Variants in CA10 observed in about 807,000 individuals in gnomAD.
CA10 encodes the protein carbonic anhydrase-related protein 10.
Under a neutral mutation model 44.2 loss-of-function variants are expected in CA10, and 14 were observed. That is an observed-to-expected ratio of 0.32 (90% CI 0.21 to 0.50). The LOEUF (loss-of-function observed/expected upper bound fraction) is 0.50, where lower values mean the gene tolerates loss of function less well. CA10 is among the 20% of genes least tolerant of loss of function. CA10 has a pLI of 0.99. For synonymous variants in CA10, 159 were observed against 141.6 expected (o/e 1.12, Z -0.87); for missense variants, 350 against 409.7 (o/e 0.85, Z 1.26).
At chr17:51,711,456 G>T (rs1487309303) in intron 4 of CA10, among the ~76,000 whole-genome samples, 2 of 152,118 alleles carry the variant, frequency 1.3e-5, no homozygotes, top group Non-Finnish European at 2.9e-5. Flanking sequence ...TTAGGAGAAG[G>T]CCCAATCTGA....
chr17:51,968,661 G>T (rs1349381731), intron 2 of CA10, among the ~76,000 whole-genome samples: 2 of 151,898 alleles, frequency 1.3e-5, no homozygotes, highest in East Asian at 3.9e-4. Flanking sequence ...TCTGGTAGTG[G>T]TTATGTGACT....
At chr17:51,836,557 C>T (rs549226386) in intron 3 of CA10, among the ~76,000 whole-genome samples, 4 of 152,290 alleles carry the variant, frequency 2.6e-5, no homozygotes, top group East Asian at 3.9e-4. Flanking sequence ...TTCCCCCACT[C>T]GCCTGTGGGG....
chr17:52,040,145 CTTTT>C (rs200635464), intron 2 of CA10, among the ~76,000 whole-genome samples: 1 of 139,056 alleles, frequency 7.2e-6, no homozygotes, highest in Non-Finnish European at 1.5e-5. Context: ...TCTTTTTTTT[CTTTT>C]TTTTTTTTTT....
chr17:52,000,902 G>T (rs1598160287), intron 2 of CA10, among the ~76,000 whole-genome samples: 1 of 151,212 alleles, frequency 6.6e-6, no homozygotes, highest in Admixed American at 6.6e-5. Flanking sequence ...ATGATCAAGT[G>T]GCTGGGGGGT....
intron 1 of CA10, among the ~76,000 whole-genome samples, chr17:52,075,283 T>C (rs1234657755): frequency 6.6e-6 from 1 of 152,176 alleles, no homozygotes; most frequent in Non-Finnish European, 1.5e-5. Flanking sequence ...AGAAGTTGGA[T>C]GCTTAATTAA....
intron 2 of CA10, among the ~76,000 whole-genome samples, chr17:51,966,349 A>G: frequency 6.6e-6 from 1 of 151,966 alleles, no homozygotes; most frequent in Non-Finnish European, 1.5e-5. Context: ...ACAGAACCAG[A>G]AAAAACAATT....
chr17:51,899,968 T>C lies in CA10; in HGVS notation c.279+31022A>G, dbSNP rs115591584. Among the ~76,000 whole-genome samples the C allele has an allele frequency of 6.9e-3, 1,027 of 148,890 alleles. 16 individuals carry two copies. The highest frequency in any genetic ancestry group is 0.024 in the African/African-American group (953 of 39,184). ...TGGGTCTCTTGAAGATAGCATATAGTTGGGTTTTACTTCTTTATCCAACTT... is the reference window on the plus strand; with the variant it reads ...TGGGTCTCTTGAAGATAGCATATAGCTGGGTTTTACTTCTTTATCCAACTT... On this transcript the variant is annotated intron_variant, in intron 3 of 8. Transcript: ENST00000451037.
intron 1 of CA10, among the ~76,000 whole-genome samples, chr17:52,146,872 C>T (rs181703881): frequency 1.8e-4 from 27 of 152,172 alleles, no homozygotes; most frequent in African/African-American, 5.8e-4. Flanking sequence ...GGAGGTAGCA[C>T]AGCCCCCATC....
chr17:51,991,415 T>C (rs1468674402), intron 2 of CA10, among the ~76,000 whole-genome samples: 1 of 152,192 alleles, frequency 6.6e-6, no homozygotes, highest in Non-Finnish European at 1.5e-5. Context: ...TGTATTTACT[T>C]ACAACTACAT....
At chr17:51,631,694 T>A in intron 8 of CA10, 88 bp from the exon 9 acceptor site, 1 of 1,138,948 alleles carries the variant, frequency 8.8e-7, no homozygotes, top group East Asian at 2.3e-5. Flanking sequence ...TTTAGAGAAT[T>A]CCTCCAGAGG....
chr17:52,124,510 T>G (rs1989077524), intron 1 of CA10, among the ~76,000 whole-genome samples: 1 of 152,178 alleles, frequency 6.6e-6, no homozygotes, highest in Non-Finnish European at 1.5e-5. Context: ...GTAAGAAGGT[T>G]CAGATGATAC....
At chr17:51,675,221 T>C (rs16950359) in intron 4 of CA10, among the ~76,000 whole-genome samples, 10,773 of 152,150 alleles carry the variant, frequency 0.071, 592 homozygotes, top group East Asian at 0.24. Context: ...TTGTCATTAT[T>C]CTGTATGGCC....
intron 4 of CA10, among the ~76,000 whole-genome samples, chr17:51,706,129 G>C (rs1485989914): frequency 6.6e-6 from 1 of 152,178 alleles, no homozygotes; most frequent in African/African-American, 2.4e-5. Context: ...CTTATTTATG[G>C]GGATAATGGT....
At chr17:51,943,520 C>T (rs72834236) in intron 2 of CA10, among the ~76,000 whole-genome samples, 4,193 of 152,292 alleles carry the variant, frequency 0.028, 83 homozygotes, top group Non-Finnish European at 0.04. Context: ...ACACCTTGTA[C>T]CCAAATGTAT....
intron 3 of CA10, among the ~76,000 whole-genome samples, chr17:51,849,744 G>A (rs11867198): frequency 0.063 from 9,524 of 152,162 alleles, 635 homozygotes; most frequent in African/African-American, 0.17. Context: ...AGGAAGTACA[G>A]GTCAGAAAGG....
chr17:52,032,159 TG>T (rs1986487149), intron 2 of CA10, among the ~76,000 whole-genome samples: 1 of 152,172 alleles, frequency 6.6e-6, no homozygotes, highest in African/African-American at 2.4e-5. Flanking sequence ...ATCCCAGACA[TG>T]GTTAAAAATA....
intron 4 of CA10, among the ~76,000 whole-genome samples, chr17:51,676,161 G>C (rs563371535): frequency 6.6e-6 from 1 of 152,300 alleles, no homozygotes; most frequent in Non-Finnish European, 1.5e-5. Flanking sequence ...GGCATTGCTG[G>C]ACTCTGTACT....
intron 2 of CA10, among the ~76,000 whole-genome samples, chr17:51,936,517 A>C (rs957444190): frequency 3.4e-5 from 4 of 117,498 alleles, no homozygotes; most frequent in African/African-American, 1.1e-4. Flanking sequence ...GAAAGTGAGC[A>C]GTCTTGGCAG....
At chr17:51,742,674 C>A (rs1455691316) in intron 4 of CA10, among the ~76,000 whole-genome samples, 1 of 152,138 alleles carries the variant, frequency 6.6e-6, no homozygotes. Flanking sequence ...AGAGAGAAAG[C>A]CCCATATTTT....
Sources: gnomAD v4.1 joint callset for allele counts (sites outside exome capture counted in the v4.1 genomes callset) on GRCh38, gnomAD v4.1.1 for gene constraint, MANE v1.5 for transcripts, NCBI Gene and HGNC (gene_info 2026-07-23, HGNC 2026-07-21) for gene names.